Variants in GALNT9 observed in about 807,000 individuals in gnomAD.
GALNT9 encodes GalNAc transferase 9.
In GALNT9, 47 loss-of-function variants were observed where a neutral mutation model predicts 63.1. That is an observed-to-expected ratio of 0.75 (90% confidence interval 0.59 to 0.95). The LOEUF is 0.95. Ranked by LOEUF, GALNT9 falls within the 40% of genes least tolerant of loss-of-function variation. The probability of loss-of-function intolerance (pLI) is 0.00; values close to 1 mark genes in which losing one functional copy is unlikely to be tolerated. For missense variants in GALNT9, 829 were observed against 874.8 expected (o/e 0.95, Z 0.66); for synonymous variants, 396 against 365.7 (o/e 1.08, Z -0.94).
intron 5 of GALNT9, among the ~76,000 whole-genome samples, chr12:132,248,484 G>GAAA (rs2048005862): frequency 6.6e-6 from 1 of 151,004 alleles, no homozygotes; most frequent in South Asian, 2.1e-4. Flanking sequence ...CCTCTCCCCT[G>GAAA]AAAAAAGATC....
chr12:132,215,784 A>C (rs1877157687), intron 6 of GALNT9, among the ~76,000 whole-genome samples: 1 of 152,118 alleles, frequency 6.6e-6, no homozygotes, highest in Non-Finnish European at 1.5e-5. Context: ...GCATGGCCAC[A>C]TGGGACCCAG....
At chr12:132,314,572 A>C (rs1479886601) in intron 1 of GALNT9, among the ~76,000 whole-genome samples, 3 of 152,194 alleles carry the variant, frequency 2.0e-5, no homozygotes, top group African/African-American at 7.2e-5. Context: ...TGTGCAGCTC[A>C]AAGATTCCTC....
At chr12:132,219,033 C>A (rs964938917) in intron 6 of GALNT9, among the ~76,000 whole-genome samples, 1 of 152,058 alleles carries the variant, frequency 6.6e-6, no homozygotes, top group African/African-American at 2.4e-5. Flanking sequence ...TTTGAGCTCT[C>A]GGGGTGCTGC....
intron 2 of GALNT9, among the ~76,000 whole-genome samples, chr12:132,263,627 C>T (rs782671245): frequency 1.2e-4 from 18 of 152,220 alleles, no homozygotes; most frequent in Non-Finnish European, 2.1e-4. Flanking sequence ...TGTCTCCCCC[C>T]GTGACCGGAA....
chr12:132,235,369 G>C (rs1372847076), intron 6 of GALNT9, among the ~76,000 whole-genome samples: 2 of 152,172 alleles, frequency 1.3e-5, no homozygotes, highest in African/African-American at 4.8e-5. Context: ...CAAACTGTGT[G>C]GGGTAGAGCC....
In GALNT9 at chr12:132,196,451, A is replaced by G; in HGVS notation, c.*656T>C. 1.0e-6 allele frequency: 1 copy of G among 985,558 alleles called. No individual in the cohort carries two copies. The allele number at this position is 985,558 out of a possible 1,614,324, so 61.1% of individuals were successfully genotyped here. On this transcript the variant is annotated 3_prime_UTR_variant, in exon 11 of 11. Transcript: ENST00000328957. ...GCGGCAGGGCCCAGGTGCCTGGGAA[A>G]GAGGTGGGACCGGGCCCCAACCCCC... is the stretch of plus-strand genomic sequence containing the variant.
rs1868983754 is a variant in GALNT9 at position 132,325,147 on chromosome 12, TG to T, written c.238+3818del. Among the ~76,000 whole-genome samples, 3 of 152,224 alleles carry T rather than the reference TG, an allele frequency of 2.0e-5. No homozygotes were observed. The South Asian group carries it at 6.2e-4, about 31-fold the overall frequency. On this transcript the variant is annotated intron_variant, in intron 1 of 10. Coordinates refer to ENST00000328957, the MANE Select transcript of GALNT9 (RefSeq NM_001122636.2). ...CCCTGGGGGACAGGGCAGGCCTTGG[TG>T]GGGTGACGCCTGCTGGAGTCTCCAG...
intron 2 of GALNT9, among the ~76,000 whole-genome samples, chr12:132,270,385 A>C (rs1555240622): frequency 3.3e-5 from 5 of 152,232 alleles, no homozygotes. Context: ...AGCCCTGCCC[A>C]GGGGCAAACC....
chr12:132,229,448 G>A (rs1037576519), intron 6 of GALNT9, among the ~76,000 whole-genome samples: 52 of 152,354 alleles, frequency 3.4e-4, no homozygotes, highest in African/African-American at 1.1e-3. Flanking sequence ...GCCCTGGCAC[G>A]AGCACTTTAT....
At chr12:132,211,041 A>G (rs1187549757) in intron 6 of GALNT9, among the ~76,000 whole-genome samples, 3 of 152,152 alleles carry the variant, frequency 2.0e-5, no homozygotes, top group South Asian at 4.2e-4. Flanking sequence ...GCCTCAGTCC[A>G]CAGAAAGGGC....
At chr12:132,260,304 G>C (rs1328363512) in intron 4 of GALNT9, among the ~76,000 whole-genome samples, 1 of 151,974 alleles carries the variant, frequency 6.6e-6, no homozygotes, top group Non-Finnish European at 1.5e-5. Context: ...CTTGGAGTCG[G>C]GCCCTGCCCA....
In GALNT9 at chr12:132,286,380, C is replaced by T. The variant is rs782136159; in HGVS notation, c.289G>A (p.Gly97Ser). 6.4e-6 allele frequency: 10 copies of T among 1,550,900 alleles called. No individual in the cohort carries two copies. The highest frequency in any genetic ancestry group is 8.7e-6 in the Non-Finnish European group (10 of 1,146,844). The change falls in exon 2 of 11, where the codon GGT becomes AGT. Residue 97 changes from glycine to serine, a missense_variant. By Grantham distance (56) the Gly-to-Ser change is moderately conservative. Transcript: ENST00000328957. This position sits in a 1 kb window ranked among gnomAD's most constrained non-coding sequence, Gnocchi z 7.4. ...LVEGPGGLGQ[G>S]GLAATLRDDG... ...TCACGCAGGGTGGCCGCCAAGCCAC[C>T]CTGGCCCAGGCCTCCTGGCCCCTCC...
At chr12:132,266,071 T>C (rs1879584104) in intron 2 of GALNT9, among the ~76,000 whole-genome samples, 1 of 148,646 alleles carries the variant, frequency 6.7e-6, no homozygotes, top group Non-Finnish European at 1.5e-5. Flanking sequence ...ACCGCGGGCC[T>C]GTCTGCCTTT....
chr12:132,199,372 G>C (rs1385187664), intron 8 of GALNT9, 103 bp from the exon 9 acceptor site: 2 of 803,746 alleles, frequency 2.5e-6, no homozygotes, highest in Admixed American at 4.3e-5. Flanking sequence ...GGAGGTGCCC[G>C]CGGGAGGAGG....
At chr12:132,214,910 C>A (rs1309179893) in intron 6 of GALNT9, among the ~76,000 whole-genome samples, 1 of 152,236 alleles carries the variant, frequency 6.6e-6, no homozygotes, top group Non-Finnish European at 1.5e-5. Context: ...GGGATGCACA[C>A]CCGTCACAGA....
chr12:132,210,632 C>A (rs997982136), intron 6 of GALNT9, among the ~76,000 whole-genome samples: 1 of 152,174 alleles, frequency 6.6e-6, no homozygotes, highest in Non-Finnish European at 1.5e-5. Context: ...GAGGCCCGAG[C>A]CCCGTCCTCC....
In GALNT9 at chr12:132,286,839, G is replaced by A. The variant is rs1880613469; in HGVS notation, c.239-409C>T. On this transcript the variant is annotated intron_variant, in intron 1 of 10. Coordinates refer to ENST00000328957, the MANE Select transcript of GALNT9 (RefSeq NM_001122636.2). This position sits in a 1 kb window ranked among gnomAD's most constrained non-coding sequence, Gnocchi z 7.4. ...AGCAATCCTCCCACCTCAGCCTCCT[G>A]AGTAAATGGGTGGGCCTCCACAACT... 1.3e-5 allele frequency among the ~76,000 whole-genome samples: 2 copies of A among 152,138 alleles called. No homozygotes were observed.
chr12:132,267,239 A>AGGGCCT (rs1200695059), intron 2 of GALNT9, among the ~76,000 whole-genome samples: 2 of 152,012 alleles, frequency 1.3e-5, no homozygotes, highest in African/African-American at 2.4e-5. Context: ...GGAAGGAGGC[A>AGGGCCT]GGCAGGGCCA....
At chr12:132,264,518 G>A (rs1277088783) in intron 2 of GALNT9, among the ~76,000 whole-genome samples, 2 of 152,256 alleles carry the variant, frequency 1.3e-5, no homozygotes, top group African/African-American at 4.8e-5. Flanking sequence ...CAGCCTTCTG[G>A]CTTGAGTTTA....
Sources: allele counts gnomAD v4.1 joint callset (sites outside exome capture counted in the v4.1 genomes callset), GRCh38; gene constraint gnomAD v4.1.1; non-coding constraint Gnocchi (gnomAD v3.1); transcripts MANE v1.5; gene names NCBI Gene and HGNC (gene_info 2026-07-23, HGNC 2026-07-21).